Variants in SLC39A14 observed in about 807,000 individuals in gnomAD.
SLC39A14 encodes the protein solute carrier family 39 member 14.
In SLC39A14, 19 loss-of-function variants were observed where a neutral mutation model predicts 45.5. The ratio of observed to expected loss-of-function variants is 0.42; its 90% CI spans 0.29 to 0.61. SLC39A14 has a LOEUF of 0.61. Ranked by LOEUF, SLC39A14 falls within the 20% of genes least tolerant of loss-of-function variation. SLC39A14 has a pLI of 0.22. For missense variants in SLC39A14, 447 were observed against 616.5 expected (o/e 0.73, Z 2.91); for synonymous variants, 264 against 251.3 (o/e 1.05, Z -0.48).
chr8:22,376,467 G>C (rs1025164046), intron 1 of SLC39A14, among the ~76,000 whole-genome samples: 4 of 151,634 alleles, frequency 2.6e-5, no homozygotes, highest in Admixed American at 6.6e-5. Flanking sequence ...ATAGGCGTGA[G>C]CCACTGCACT....
intron 1 of SLC39A14, among the ~76,000 whole-genome samples, chr8:22,392,536 C>T (rs1034239518): frequency 3.3e-5 from 5 of 152,202 alleles, no homozygotes; most frequent in African/African-American, 9.7e-5. Context: ...GCCACATGCC[C>T]GGCCTCACGG....
intron 1 of SLC39A14, among the ~76,000 whole-genome samples, chr8:22,387,360 C>T (rs184637355): frequency 3.3e-5 from 5 of 152,160 alleles, no homozygotes; most frequent in East Asian, 1.9e-4. Context: ...GGAGCCTGTC[C>T]GAGTTGCAAG....
intron 1 of SLC39A14, chr8:22,389,823 C>G (rs1024169010): frequency 6.6e-6 from 1 of 152,250 alleles, no homozygotes; most frequent in African/African-American, 2.4e-5. Flanking sequence ...TACTATTTTG[C>G]TTTCTTTTTA....
downstream of SLC39A14, among the ~76,000 whole-genome samples, chr8:22,423,801 T>TCTCTCTCTCTCTCTCTCTCTCTCTCTCC (rs1836332957): frequency 6.7e-6 from 1 of 149,766 alleles, no homozygotes; most frequent in South Asian, 2.1e-4. Flanking sequence ...TCTCTCTCTC[T>TCTCTCTCTCTCTCTCTCTCTCTCTCTCC]CTCTCTCTCT....
intron 1 of SLC39A14, among the ~76,000 whole-genome samples, chr8:22,380,561 G>A (rs559516569): frequency 6.6e-6 from 1 of 152,238 alleles, no homozygotes; most frequent in East Asian, 1.9e-4. Context: ...GTCGAAGACT[G>A]GAATCTGTTT....
chr8:22,412,292 C>A, intron 4 of SLC39A14, 86 bp downstream of exon 4: 1 of 1,356,578 alleles, frequency 7.4e-7, no homozygotes, highest in Non-Finnish European at 1.0e-6. Context: ...ATAGAGAGGG[C>A]ACCTGGAGGC....
At chr8:22,415,238 G>A (rs540388107) in intron 5 of SLC39A14, 45 of 267,394 alleles carry the variant, frequency 1.7e-4, no homozygotes, top group African/African-American at 1.0e-3. Flanking sequence ...TGAAGTATGA[G>A]GCTGCAGAGA....
chr8:22,410,187 T>G, intron 3 of SLC39A14: 1 of 1,512,676 alleles, frequency 6.6e-7, no homozygotes, highest in Non-Finnish European at 9.1e-7. Flanking sequence ...CCTCCTCCCC[T>G]ACCCTGGGCT....
chr8:22,389,664 G>C (rs1011983520), intron 1 of SLC39A14, among the ~76,000 whole-genome samples: 5 of 152,104 alleles, frequency 3.3e-5, no homozygotes, highest in Admixed American at 3.3e-4. Flanking sequence ...TCCCCTCCCC[G>C]GGGTGGCGAG....
chr8:22,422,241 C>T lies in SLC39A14; in HGVS notation c.*2543C>T, dbSNP rs1196407244. 22 of 985,398 alleles carry T rather than the reference C, an allele frequency of 2.2e-5. No homozygotes were observed. Among genetic ancestry groups the T allele is most frequent in the Middle Eastern group, 5.2e-4 (1 of 1,936 alleles). The allele number at this position is 985,398 out of a possible 1,614,324, so 61.0% of individuals were successfully genotyped here. A position where few individuals can be genotyped will look rare whatever the true frequency, so the allele number is the denominator to read the frequency against. On this transcript the variant is annotated 3_prime_UTR_variant, in exon 9 of 9. Transcript: ENST00000381237. ...AAGTTAGCAAGGAAAGTGTATGTCA[C>T]GTGCAGGAACAGTGAGGCAGGGACA...
In SLC39A14 at chr8:22,393,500, G is replaced by A. The variant is rs149414298; in HGVS notation, c.-15-11196G>A. Among the ~76,000 whole-genome samples the A allele has an allele frequency of 1.5e-3, 234 of 152,278 alleles. 1 individual carries two copies. The highest frequency in any genetic ancestry group is 5.4e-3 in the African/African-American group (225 of 41,554). ...AGAGAAGCCTGTAGGGCAGTATTCA[G>A]TTGATGACCAAGCTGGCAGATGTTT... On this transcript the variant is annotated intron_variant, in intron 1 of 8. Transcript: ENST00000381237.
chr8:22,410,207 C>A, intron 3 of SLC39A14: 3 of 1,270,024 alleles, frequency 2.4e-6, no homozygotes, highest in Non-Finnish European at 3.4e-6. Flanking sequence ...TCCAAGGCAC[C>A]CAATGACTGC....
rs569145685 is a variant in SLC39A14, at chr8:22,421,116, T to C, written c.*1418T>C. On this transcript the variant is annotated 3_prime_UTR_variant, in exon 9 of 9. Transcript: ENST00000381237. ...GATAATGTGAGATTCTTTAGCCACT[T>C]TGGGGAGCCTGTCTCTCCAGAAGCC... 2.0e-6 allele frequency: 2 copies of C among 985,862 alleles called. No individual in the cohort carries two copies. Among genetic ancestry groups the C allele is most frequent in the South Asian group, 9.4e-5 (2 of 21,288 alleles). 61.1% of individuals were successfully genotyped at this position (985,862 alleles called of 1,614,324 possible).
Position 22,378,921 on chromosome 8 carries a change from T to A in SLC39A14, c.-16+11513T>A, listed in dbSNP as rs535566144. Among the ~76,000 whole-genome samples, 4 of 152,356 alleles carry A rather than the reference T, an allele frequency of 2.6e-5. No homozygotes were observed. In the East Asian group the frequency reaches 7.7e-4, roughly 29 times the overall value. On this transcript the variant is annotated intron_variant, in intron 1 of 8. Transcript: ENST00000381237. ...GTGTCCCATGGTTCCCCTGACAAGA[T>A]ACCAGAAACTTGGTGGCTTAAAAAC...
intron 1 of SLC39A14, chr8:22,390,216 A>G: frequency 6.4e-6 from 1 of 155,842 alleles, no homozygotes; most frequent in Non-Finnish European, 1.4e-5. Context: ...CATTCCCTTG[A>G]GGTCTAATGT....
chr8:22,419,282 C>T (rs1836078727), intron 8 of SLC39A14, among the ~76,000 whole-genome samples: 1 of 152,034 alleles, frequency 6.6e-6, no homozygotes, highest in Non-Finnish European at 1.5e-5. Flanking sequence ...CTTCCGGGTT[C>T]AAGCAATTCT....
intron 3 of SLC39A14, 43 bp downstream of exon 3, chr8:22,408,539 C>T: frequency 6.4e-7 from 1 of 1,567,216 alleles, no homozygotes; most frequent in Non-Finnish European, 8.7e-7. Context: ...CCCATCTCGC[C>T]CGCGTCTCAC....
At position 22,412,194 on chromosome 8, in the gene SLC39A14, G is replaced by C; in HGVS notation, c.615G>C (p.Gln205His). 6.4e-7 allele frequency: 1 copy of C among 1,551,648 alleles called. No individual in the cohort carries two copies. The highest frequency in any genetic ancestry group is 1.4e-5 in the African/African-American group (1 of 73,186). ...CCCTCTACTCCAACGCCCTCTTCCA[G>C]CTCATCCCGGAGGTATGGCAAGCCA... ...IGTLYSNALF[Q>H]LIPEAFGFNP... The change falls in exon 4 of 9, where the codon CAG (glutamine) becomes CAC (histidine). Residue 205 changes from glutamine (Q) to histidine (H), a missense_variant. Gln to His is a conservative substitution (Grantham distance 24, BLOSUM62 0). This residue lies in a region of SLC39A14 where 342 missense variants were observed against 428.1 expected (regional missense o/e 0.80). Coordinates refer to ENST00000381237, the MANE Select transcript of SLC39A14 (RefSeq NM_001128431.4).
downstream of SLC39A14, among the ~76,000 whole-genome samples, chr8:22,424,485 G>A (rs984933565): frequency 6.6e-6 from 1 of 152,102 alleles, no homozygotes; most frequent in Non-Finnish European, 1.5e-5. Flanking sequence ...CGTTTAATTT[G>A]CATTACCTCA....
Sources: gnomAD v4.1 joint callset for allele counts (sites outside exome capture counted in the v4.1 genomes callset) on GRCh38, gnomAD v4.1.1 for gene constraint, gnomAD v4.1.1 regional missense constraint, MANE v1.5 for transcripts, NCBI Gene and HGNC (gene_info 2026-07-23, HGNC 2026-07-21) for gene names.